The following CTBP2 variants were observed in gnomAD, a reference collection of about 807,000 sequenced individuals.
CTBP2 encodes the protein C-terminal-binding protein 2.
A neutral mutation model predicts 80.3 loss-of-function variants in CTBP2; 30 were observed. The ratio of observed to expected loss-of-function variants is 0.37; its 90% CI spans 0.28 to 0.51. The LOEUF (loss-of-function observed/expected upper bound fraction) is 0.51. Among genes scored for constraint, CTBP2 ranks in the 20% least tolerant of loss-of-function variants. CTBP2 has a pLI of 0.93. For synonymous variants in CTBP2, 594 were observed against 587.4 expected (o/e 1.01, Z -0.16); for missense variants, 1,212 against 1,375.3 (o/e 0.88, Z 1.88).
At chr10:125,016,437 G>A (rs1386678495) in intron 1 of CTBP2, among the ~76,000 whole-genome samples, 1 of 152,210 alleles carries the variant, frequency 6.6e-6, no homozygotes, top group East Asian at 1.9e-4. Context: ...TGAACAACAC[G>A]TCCTCCCGCA....
At chr10:125,055,065 G>A (rs546820984) in intron 2 of CTBP2, among the ~76,000 whole-genome samples, 1 of 152,266 alleles carries the variant, frequency 6.6e-6, no homozygotes, top group African/African-American at 2.4e-5. Context: ...ACATTAAAAA[G>A]ATCTATCAGA....
intron 1 of CTBP2, among the ~76,000 whole-genome samples, chr10:125,115,445 A>G (rs1276047583): frequency 6.6e-6 from 1 of 152,214 alleles, no homozygotes; most frequent in Non-Finnish European, 1.5e-5. Context: ...AGCAAGAATT[A>G]ATCCCAAGTT....
At chr10:125,035,521 G>A (rs972796586) in intron 3 of CTBP2, among the ~76,000 whole-genome samples, 1 of 152,120 alleles carries the variant, frequency 6.6e-6, no homozygotes, top group African/African-American at 2.4e-5. Context: ...AGTTGCAATC[G>A]CAACAGCCGC....
At chr10:125,149,812 C>CG (rs1451914819) in intron 1 of CTBP2, among the ~76,000 whole-genome samples, 2 of 152,232 alleles carry the variant, frequency 1.3e-5, no homozygotes, top group African/African-American at 2.4e-5. Flanking sequence ...GGTACTCTTC[C>CG]GGTGGAGCGG....
intron 1 of CTBP2, among the ~76,000 whole-genome samples, chr10:125,021,558 A>G (rs116140900): frequency 0.08 from 12,196 of 152,168 alleles, 671 homozygotes; most frequent in African/African-American, 0.14. Context: ...AAGGGGGCAC[A>G]ACCAAGATGC....
intron 4 of CTBP2, among the ~76,000 whole-genome samples, chr10:124,995,735 C>T (rs1218029856): frequency 6.6e-6 from 1 of 152,328 alleles, no homozygotes; most frequent in East Asian, 1.9e-4. Context: ...CATCACGCCT[C>T]TCCTCCTCAG....
chr10:125,003,463 G>A lies in CTBP2; in HGVS notation c.1708C>T (p.Leu570=). The A allele has an allele frequency of 6.3e-7, 1 of 1,577,352 alleles. No individual in the cohort carries two copies. Among genetic ancestry groups the A allele is most frequent in the Non-Finnish European group, 8.6e-7 (1 of 1,166,246 alleles). Residue 570 remains leucine (L), a synonymous_variant, in exon 2 of 9, where the codon CTG becomes TTG. Transcript: ENST00000309035. ...AGCGCCACCAGGGGGCGGGGGTGCA[G>A]GGGGCCGTTCATGATCTGGGGGCGG...
intron 1 of CTBP2, chr10:125,005,827 C>T (rs1243209372): frequency 6.2e-7 from 1 of 1,604,720 alleles, no homozygotes. Context: ...CGGTCGCCCA[C>T]ACACAGTGAG....
At chr10:125,090,347 C>T (rs1848591222) in intron 2 of CTBP2, among the ~76,000 whole-genome samples, 1 of 138,836 alleles carries the variant, frequency 7.2e-6, no homozygotes. Flanking sequence ...CAGTGAAATG[C>T]AAAGAATGTA....
At chr10:125,135,364 A>C (rs1230311844) in intron 1 of CTBP2, among the ~76,000 whole-genome samples, 4 of 152,210 alleles carry the variant, frequency 2.6e-5, no homozygotes, top group Admixed American at 1.3e-4. Context: ...AAGGTCCCGG[A>C]ATCCCTTGAG....
intron 2 of CTBP2, among the ~76,000 whole-genome samples, chr10:125,060,938 A>G (rs1455588114): frequency 6.6e-6 from 1 of 152,198 alleles, no homozygotes; most frequent in South Asian, 2.1e-4. Flanking sequence ...ACCTGCAGAC[A>G]GTTCTCCCTG....
chr10:125,136,918 G>A lies in CTBP2; in HGVS notation c.-206+23401C>T, dbSNP rs535852584. 3.3e-5 allele frequency among the ~76,000 whole-genome samples: 5 copies of A among 152,296 alleles called. No individual in the cohort carries two copies. The South Asian group carries it at 6.2e-4, about 19-fold the overall frequency. ...CCAGGGCCTTGAAAGAGCCGGGAGCGATTTCAAATGGGCTCCGGGCTCGTG... is the reference window on the plus strand; with the variant it reads ...CCAGGGCCTTGAAAGAGCCGGGAGCAATTTCAAATGGGCTCCGGGCTCGTG... On this transcript the variant is annotated intron_variant, in intron 1 of 10. Coordinates refer to the CTBP2 transcript ENST00000337195.
chr10:125,139,239 C>T (rs568132991), intron 1 of CTBP2, among the ~76,000 whole-genome samples: 7 of 151,870 alleles, frequency 4.6e-5, no homozygotes, highest in East Asian at 3.9e-4. Flanking sequence ...GGTGTGGTGG[C>T]GCACACCCGT....
At chr10:125,064,323 C>T (rs1844302760) in intron 2 of CTBP2, among the ~76,000 whole-genome samples, 1 of 152,180 alleles carries the variant, frequency 6.6e-6, no homozygotes. Context: ...CAGGCACAAA[C>T]AGGTAAGTTA....
At chr10:125,057,322 C>T (rs1964137925) in intron 2 of CTBP2, among the ~76,000 whole-genome samples, 1 of 152,218 alleles carries the variant, frequency 6.6e-6, no homozygotes, top group Non-Finnish European at 1.5e-5. Context: ...ACCAGCACTC[C>T]TCGAAAGAGA....
chr10:125,086,578 G>A (rs1848004084), intron 2 of CTBP2, among the ~76,000 whole-genome samples: 1 of 140,172 alleles, frequency 7.1e-6, no homozygotes, highest in Non-Finnish European at 1.5e-5. Flanking sequence ...TCACACCACT[G>A]CACTCCAGCC....
Position 124,985,093 on chromosome 10 carries a change from A to G in CTBP2, c.*4425T>C. On this transcript the variant is annotated 3_prime_UTR_variant, in exon 9 of 9. Transcript: ENST00000309035. ...GAGTCGACATCATGGAATGAACCAA[A>G]TCTGGCAGGATCTGCTCGGGGAAGT... is the stretch of plus-strand genomic sequence containing the variant. 1 of 855,256 alleles carries G rather than the reference A, an allele frequency of 1.2e-6. No homozygotes were observed. Among genetic ancestry groups the G allele is most frequent in the Non-Finnish European group, 1.8e-6 (1 of 545,088 alleles). 53.0% of individuals were successfully genotyped at this position (855,256 alleles called of 1,614,324 possible).
In CTBP2 at chr10:124,993,115, G is replaced by A. The variant is rs183475465; in HGVS notation, c.2659+87C>T. ...GCTAAAAGTGAATTCTACCTGTCGA[G>A]AGCTGCCTGTAGCCAGCAGGACAGG... On this transcript the variant is annotated intron_variant, in intron 7 of 8. Transcript: ENST00000309035. The A allele has an allele frequency of 5.2e-5, 77 of 1,491,858 alleles. No homozygotes were observed. The African/African-American group carries it at 8.0e-4, about 15-fold the overall frequency. The allele number at this position is 1,491,858 out of a possible 1,614,324, so 92.4% of individuals were successfully genotyped here.
chr10:125,117,166 C>T (rs7906290), intron 1 of CTBP2, among the ~76,000 whole-genome samples: 6,488 of 150,518 alleles, frequency 0.043, 461 homozygotes, highest in African/African-American at 0.15. Flanking sequence ...TCCTCTGCCC[C>T]GACTCTCTTC....
Sources: gnomAD v4.1 joint callset for allele counts (sites outside exome capture counted in the v4.1 genomes callset) on GRCh38, gnomAD v4.1.1 for gene constraint, MANE v1.5 for transcripts, NCBI Gene and HGNC (gene_info 2026-07-23, HGNC 2026-07-21) for gene names.